Variants in LCT observed in about 807,000 individuals in gnomAD.
The protein encoded by LCT is lactase/phlorizin hydrolase.
LCT carries 90 observed loss-of-function variants against 173.0 expected under a neutral mutation model. The ratio of observed to expected loss-of-function variants is 0.52; its 90% CI spans 0.44 to 0.62. The LOEUF is 0.62. LCT is among the 20% of genes least tolerant of loss of function. The pLI, the probability that LCT is intolerant of heterozygous loss-of-function variation, is 0.00. For missense variants in LCT, 1,864 were observed against 2,431.4 expected, an observed-to-expected ratio of 0.77 and a Z score of 4.91; for synonymous variants, 853 against 957.6, an observed-to-expected ratio of 0.89 and a Z score of 2.02.
intron 11 of LCT, 86 bp downstream of exon 11, chr2:135,803,844 C>A: frequency 7.7e-7 from 1 of 1,292,692 alleles, no homozygotes; most frequent in Non-Finnish European, 1.1e-6. Flanking sequence ...TCTTGGTTGC[C>A]TCGTCCTGTG....
chr2:135,807,314 C>T lies in LCT; in HGVS notation c.3987G>A (p.Thr1329=), dbSNP rs1478734305. ...MDNFEWLNGY[T]VKFGLYHVDF... ...CAACATGGTACAGTCCAAACTTGACCGTGTAGCCATTTAGCCACTCAAAGT... is the reference window on the plus strand; with the variant it reads ...CAACATGGTACAGTCCAAACTTGACTGTGTAGCCATTTAGCCACTCAAAGT... Residue 1329 remains threonine (T), a synonymous_variant, in exon 9 of 17, where the codon ACG becomes ACA. Transcript: ENST00000264162. The T allele has an allele frequency of 9.3e-6, 15 of 1,614,164 alleles. No individual in the cohort carries two copies. Among genetic ancestry groups the T allele is most frequent in the Admixed American group, 3.3e-5 (2 of 60,024 alleles).
chr2:135,831,154 T>A (rs1039391752), intron 2 of LCT, among the ~76,000 whole-genome samples: 2 of 152,124 alleles, frequency 1.3e-5, no homozygotes, highest in African/African-American at 2.4e-5. Context: ...TCTAAAGCAA[T>A]GGCTAAGGGT....
At chr2:135,788,650 A>T (rs1272059901) in intron 16 of LCT, 106 bp from the exon 17 acceptor site, 4 of 780,542 alleles carry the variant, frequency 5.1e-6, no homozygotes, top group Non-Finnish European at 9.2e-6. Context: ...CCGCACAGCC[A>T]TTGACGGGAT....
At chr2:135,836,017 TATACA>T (rs1558748698) in intron 1 of LCT, among the ~76,000 whole-genome samples, 1 of 11,804 alleles carries the variant, frequency 8.5e-5, no homozygotes. Flanking sequence ...TATATATATG[TATACA>T]TATTTTTTTT....
At chr2:135,807,927 A>G (rs921076218) in intron 8 of LCT, among the ~76,000 whole-genome samples, 8 of 152,064 alleles carry the variant, frequency 5.3e-5, no homozygotes, top group Non-Finnish European at 1.2e-4. Flanking sequence ...CAGGAGTTTG[A>G]AACCAGCCTG....
Position 135,816,871 on chromosome 2 carries a change from A to ATT in LCT, c.1707+468_1707+469dup, listed in dbSNP as rs34890037. ...TCTGGACAAAATAAGGTGATTAACA[A>ATT]TTTTTTTTTTTTTTTGAGACAGGGT... On this transcript the variant is annotated intron_variant, in intron 6 of 16. Coordinates refer to ENST00000264162, the MANE Select transcript of LCT (RefSeq NM_002299.4). 1.3e-4 allele frequency among the ~76,000 whole-genome samples: 19 copies of ATT among 147,118 alleles called. No individual in the cohort carries two copies. The East Asian group carries it at 3.2e-3, about 25-fold the overall frequency.
At chr2:135,834,443 C>T (rs2077967825) in intron 1 of LCT, among the ~76,000 whole-genome samples, 1 of 149,674 alleles carries the variant, frequency 6.7e-6, no homozygotes, top group African/African-American at 2.5e-5. Context: ...CCTCAGCCTC[C>T]CAAAGTGCTG....
In LCT at chr2:135,789,591, T is replaced by C. The variant is rs1321556185; in HGVS notation, c.5543A>G (p.His1848Arg). ...NGFPDPATGP[H>R]ACLHQPDAGP... Reference sequence around the variant, plus strand: ...CTCACCTGGCTGGTGGAGACAAGCGTGAGGCCCTGTAGCGGGGTCAGGGAA... The same window carrying C: ...CTCACCTGGCTGGTGGAGACAAGCGCGAGGCCCTGTAGCGGGGTCAGGGAA... The change falls in exon 16 of 17, where the codon CAC becomes CGC. Residue 1848 changes from histidine to arginine, a missense_variant. Physicochemically the swap from His to Arg is conservative, Grantham distance 29. This residue lies in a region of LCT where 514 missense variants were observed against 750.1 expected (regional missense o/e 0.69). Coordinates refer to ENST00000264162, the MANE Select transcript of LCT (RefSeq NM_002299.4). 1.2e-6 allele frequency: 2 copies of C among 1,613,708 alleles called. No individual in the cohort carries two copies. The highest frequency in any genetic ancestry group is 4.5e-5 in the East Asian group (2 of 44,876).
At chr2:135,794,150 T>TAAGATA (rs1553651291) in intron 14 of LCT, among the ~76,000 whole-genome samples, 1 of 150,980 alleles carries the variant, frequency 6.6e-6, no homozygotes, top group Non-Finnish European at 1.5e-5. Flanking sequence ...AAAAAATAAA[T>TAAGATA]AAAATAAAAA....
intron 5 of LCT, chr2:135,820,644 G>A (rs1014169737): frequency 1.3e-5 from 2 of 152,230 alleles, no homozygotes; most frequent in Non-Finnish European, 2.9e-5. Context: ...TCAGAGGTGA[G>A]TGACAAAGAG....
At position 135,800,641 on chromosome 2, in the gene LCT, T is replaced by C; in HGVS notation, c.4832A>G (p.Gln1611Arg). The change falls in exon 12 of 17, where the codon CAG becomes CGG. Residue 1611 changes from glutamine (Q) to arginine (R), a missense_variant. Physicochemically the swap from Gln to Arg is conservative, Grantham distance 43 (BLOSUM62 1). Coordinates refer to ENST00000264162, the MANE Select transcript of LCT (RefSeq NM_002299.4). ...TCTCCTGGCTGCCTCCACATCCTCC[T>C]GGTTAGAGGGATCTCTGGGTTCAGC... ...DWAEPRDPSN[Q>R]EDVEAARRYV... 6.2e-7 allele frequency: 1 copy of C among 1,612,842 alleles called. No individual in the cohort carries two copies. Among genetic ancestry groups the C allele is most frequent in the Admixed American group, 1.7e-5 (1 of 60,022 alleles).
intron 15 of LCT, among the ~76,000 whole-genome samples, 159 bp from the exon 16 acceptor site, chr2:135,789,957 G>T (rs1412000559): frequency 6.6e-6 from 1 of 152,198 alleles, no homozygotes; most frequent in African/African-American, 2.4e-5. Flanking sequence ...CCCTTTCTTT[G>T]CATGCAGTGA....
chr2:135,835,634 A>C (rs1337348629), intron 1 of LCT, among the ~76,000 whole-genome samples: 1 of 150,500 alleles, frequency 6.6e-6, no homozygotes, highest in African/African-American at 2.4e-5. Flanking sequence ...CCTAACATAC[A>C]CTTAGGGAAT....
At chr2:135,806,898 C>T (rs1021024029) in intron 9 of LCT, among the ~76,000 whole-genome samples, 1 of 152,216 alleles carries the variant, frequency 6.6e-6, no homozygotes, top group Non-Finnish European at 1.5e-5. Context: ...TCCATCTGGC[C>T]CTGCAAGCAC....
At position 135,812,693 on chromosome 2, in the gene LCT, G is replaced by A. The variant is rs149938493; in HGVS notation, c.1971C>T (p.Ser657=). 5.6e-6 allele frequency: 9 copies of A among 1,614,144 alleles called. No individual in the cohort carries two copies. The highest frequency in any genetic ancestry group is 1.7e-5 in the Admixed American group (1 of 60,024). ...ACTCGGGGAGTTGAGCCACAGGATG[G>A]GAGCACTGTCTGTTCATCTGTTGGA... ...TQIQQMNRQC[S]HPVAQLPEFT... The change falls in exon 7 of 17, where the codon TCC becomes TCT. Residue 657 remains serine (S), a synonymous_variant. Coordinates refer to ENST00000264162, the MANE Select transcript of LCT (RefSeq NM_002299.4).
At position 135,807,299 on chromosome 2, in the gene LCT, C is replaced by T. The variant is rs1460906405; in HGVS notation, c.4002G>A (p.Leu1334=). 6.2e-7 allele frequency: 1 copy of T among 1,614,070 alleles called. No individual in the cohort carries two copies. The highest frequency in any genetic ancestry group is 8.5e-7 in the Non-Finnish European group (1 of 1,180,018). ...TCGTGTTGTTGAAATCAACATGGTACAGTCCAAACTTGACCGTGTAGCCAT... is the reference window on the plus strand; with the variant it reads ...TCGTGTTGTTGAAATCAACATGGTATAGTCCAAACTTGACCGTGTAGCCAT... The part of the protein sequence containing the change: ...WLNGYTVKFG[L]YHVDFNNTNR... Residue 1334 remains leucine (L), a synonymous_variant, in exon 9 of 17, where the codon CTG becomes CTA. Transcript: ENST00000264162.
intron 4 of LCT, chr2:135,822,868 T>G (rs1296300577): frequency 6.6e-6 from 1 of 152,536 alleles, no homozygotes; most frequent in Admixed American, 6.5e-5. Context: ...GTGAGTGAGT[T>G]CCCATTCTAG....
rs1163668387 is a variant in LCT, at chr2:135,836,714, G to A, written c.456C>T (p.Ala152=). Residue 152 remains alanine, a synonymous_variant, in exon 1 of 17, where the codon GCC becomes GCT. Coordinates refer to ENST00000264162, the MANE Select transcript of LCT (RefSeq NM_002299.4). The stretch of plus-strand genomic sequence containing the variant: ...AGTGGAAGGCGAATGTGGCATAGTC[G>A]GCGAAGAGGTCAGCAAAGGCTTCGG... ...RRTEAFADLF[A]DYATFAFHSF... is the part of the protein sequence containing the mutation. 4.3e-6 allele frequency: 7 copies of A among 1,614,168 alleles called. No homozygotes were observed. The highest frequency in any genetic ancestry group is 1.6e-4 in the Middle Eastern group (1 of 6,062).
At position 135,808,825 on chromosome 2, in the gene LCT, G is replaced by T; in HGVS notation, c.3522C>A (p.Asn1174Lys). Residue 1174 changes from asparagine (N) to lysine (K), a missense_variant, in exon 8 of 17, where the codon AAC (asparagine) becomes AAA (lysine). This residue lies in a region of LCT where 755 missense variants were observed against 926.3 expected (regional missense o/e 0.82). Transcript: ENST00000264162. ...YPDTMKWKVG[N>K]RSELQHLATS... The stretch of plus-strand genomic sequence containing the variant: ...TGGCTAAGTGCTGCAGTTCACTCCT[G>T]TTCCCCACTTTCCACTTCATGGTGT... 1.2e-6 allele frequency: 2 copies of T among 1,614,152 alleles called. No homozygotes were observed. Among genetic ancestry groups the T allele is most frequent in the Non-Finnish European group, 1.7e-6 (2 of 1,179,998 alleles).
Sources: gnomAD v4.1 joint callset for allele counts (sites outside exome capture counted in the v4.1 genomes callset) on GRCh38, gnomAD v4.1.1 for gene constraint, gnomAD v4.1.1 regional missense constraint, MANE v1.5 for transcripts, NCBI Gene and HGNC (gene_info 2026-07-23, HGNC 2026-07-21) for gene names.